The following CMPK1 variants were observed in gnomAD, a reference collection of about 807,000 sequenced individuals.
The protein encoded by CMPK1 is cytidine/uridine monophosphate kinase 1, also known as UMP-CMP kinase.
Under a neutral mutation model 25.7 loss-of-function variants are expected in CMPK1, and 10 were observed. That is an observed-to-expected ratio of 0.39 (90% CI 0.24 to 0.66). CMPK1 has a LOEUF of 0.66. Among genes scored for constraint, CMPK1 ranks in the 30% least tolerant of loss-of-function variants. The probability of loss-of-function intolerance (pLI) is 0.48; values close to 1 mark genes in which losing one functional copy is unlikely to be tolerated. For missense variants in CMPK1, 199 were observed against 280.5 expected (o/e 0.71, Z 2.08); for synonymous variants, 106 against 101.5 (o/e 1.04, Z -0.27).
rs527885352 is a variant in CMPK1 at position 47,337,492 on chromosome 1, G to A, written c.171+3376G>A. Reference sequence around the variant, plus strand: ...ACCTTAAACTGTTATCTTCTTTAATGAAAAGTATTCTCTTGAGTCTAGTTG... The same window carrying A: ...ACCTTAAACTGTTATCTTCTTTAATAAAAAGTATTCTCTTGAGTCTAGTTG... On this transcript the variant is annotated intron_variant, in intron 1 of 5. Coordinates refer to ENST00000371873, the MANE Select transcript of CMPK1 (RefSeq NM_016308.3). Among the ~76,000 whole-genome samples, 45 of 152,120 alleles carry A rather than the reference G, an allele frequency of 3.0e-4. No individual in the cohort carries two copies. In the East Asian group the frequency reaches 8.1e-3, roughly 27 times the overall value.
chr1:47,358,525 GCATA>G, intron 1 of CMPK1: 1 of 1,009,328 alleles, frequency 9.9e-7, no homozygotes, highest in Non-Finnish European at 1.2e-6. Flanking sequence ...ATTTTTGGTA[GCATA>G]CATATTATTT....
intron 4 of CMPK1, 22 bp from the exon 5 acceptor site, chr1:47,375,175 G>A: frequency 6.4e-7 from 1 of 1,550,878 alleles, no homozygotes; most frequent in East Asian, 2.2e-5. Flanking sequence ...CTAGAACCTT[G>A]CAATATTTAC....
At position 47,377,991 on chromosome 1, in the gene CMPK1, G is replaced by A. The variant is rs1348263898; in HGVS notation, c.*1246G>A. 5 of 152,290 alleles carry A rather than the reference G, an allele frequency of 3.3e-5. No individual in the cohort carries two copies. The highest frequency in any genetic ancestry group is 3.3e-4 in the Admixed American group (5 of 15,264). The allele number at this position is 152,290 out of a possible 1,614,324, so 9.4% of individuals were successfully genotyped here. ...AAGTGGTATCCGAGGTTCTTAATATGAGATTTAAAATCTTAAAATGTTTCT... is the reference window on the plus strand; with the variant it reads ...AAGTGGTATCCGAGGTTCTTAATATAAGATTTAAAATCTTAAAATGTTTCT... On this transcript the variant is annotated 3_prime_UTR_variant, in exon 6 of 6. Coordinates refer to ENST00000371873, the MANE Select transcript of CMPK1 (RefSeq NM_016308.3).
intron 1 of CMPK1, among the ~76,000 whole-genome samples, chr1:47,350,459 C>A (rs140776502): frequency 6.6e-6 from 1 of 152,090 alleles, no homozygotes; most frequent in Non-Finnish European, 1.5e-5. Flanking sequence ...ACCATGTTAC[C>A]TAGGCTGGTC....
At chr1:47,374,862 T>A (rs778138612) in intron 3 of CMPK1, 47 bp from the exon 4 acceptor site, 2 of 1,444,326 alleles carry the variant, frequency 1.4e-6, no homozygotes, top group Non-Finnish European at 1.9e-6. Flanking sequence ...GTTAAAAGAA[T>A]GGCAAATTCA....
intron 1 of CMPK1, among the ~76,000 whole-genome samples, chr1:47,338,815 T>A (rs1303044462): frequency 6.6e-6 from 1 of 152,056 alleles, no homozygotes; most frequent in Admixed American, 6.6e-5. Flanking sequence ...GAATACTGTG[T>A]CATTCTTGAA....
At chr1:47,370,783 A>C (rs1249617650) in intron 2 of CMPK1, among the ~76,000 whole-genome samples, 1 of 23,738 alleles carries the variant, frequency 4.2e-5, no homozygotes, top group Non-Finnish European at 1.5e-4. Context: ...CTAAAAATAC[A>C]AAAAAAAAAA....
Position 47,374,991 on chromosome 1 carries a change from T to C in CMPK1, c.548+6T>C. 1 of 1,606,586 alleles carries C rather than the reference T, an allele frequency of 6.2e-7. No homozygotes were observed. Among genetic ancestry groups the C allele is most frequent in the Non-Finnish European group, 8.5e-7 (1 of 1,174,352 alleles). On this transcript the variant is annotated splice_donor_region_variant and intron_variant, in intron 4 of 5. Coordinates refer to ENST00000371873, the MANE Select transcript of CMPK1 (RefSeq NM_016308.3). ...AGAGAGAGCTTGGAAAAGAGGTACTTGGCAGTTTTTACATACAACCACTTC... is the reference window on the plus strand; with the variant it reads ...AGAGAGAGCTTGGAAAAGAGGTACTCGGCAGTTTTTACATACAACCACTTC...
At chr1:47,344,090 A>G (rs1646465170) in intron 1 of CMPK1, among the ~76,000 whole-genome samples, 1 of 151,708 alleles carries the variant, frequency 6.6e-6, no homozygotes, top group South Asian at 2.1e-4. Flanking sequence ...AAGACGACAG[A>G]CCCTGCTGCC....
chr1:47,341,984 C>G (rs977261043), intron 1 of CMPK1, among the ~76,000 whole-genome samples: 19 of 152,078 alleles, frequency 1.2e-4, no homozygotes, highest in African/African-American at 4.3e-4. Flanking sequence ...GTGGCTCTAT[C>G]ACTGCTCACT....
At chr1:47,345,164 T>C (rs1646473528) in intron 1 of CMPK1, among the ~76,000 whole-genome samples, 1 of 152,130 alleles carries the variant, frequency 6.6e-6, no homozygotes, top group Non-Finnish European at 1.5e-5. Flanking sequence ...GTGATCCGCC[T>C]GCTTCAGCCT....
intron 1 of CMPK1, among the ~76,000 whole-genome samples, chr1:47,334,327 CG>C (rs1377811622): frequency 6.6e-6 from 1 of 151,956 alleles, no homozygotes; most frequent in Non-Finnish European, 1.5e-5. Flanking sequence ...TGGGGGCCAC[CG>C]CTTGAGGTCG....
At position 47,374,920 on chromosome 1, in the gene CMPK1, A is replaced by G. The variant is rs6656779; in HGVS notation, c.483A>G (p.Glu161=). ...FFDCNNEICI[E]RCLERGKSSG... Reference sequence around the variant, plus strand: ...GTATCTCTTTTTAGATTTGTATTGAACGATGTCTTGAGAGGGGAAAGAGTA... The same window carrying G: ...GTATCTCTTTTTAGATTTGTATTGAGCGATGTCTTGAGAGGGGAAAGAGTA... The change falls in exon 4 of 6, where the codon GAA becomes GAG. Residue 161 remains glutamate (E), a synonymous_variant. Coordinates refer to ENST00000371873, the MANE Select transcript of CMPK1 (RefSeq NM_016308.3). The G allele has an allele frequency of 8.6e-3, 13,867 of 1,610,804 alleles. 998 individuals are homozygous for G. The African/African-American group carries it at 0.16, about 19-fold the overall frequency.
intron 1 of CMPK1, among the ~76,000 whole-genome samples, chr1:47,367,021 C>A (rs1387695072): frequency 1.3e-5 from 2 of 152,098 alleles, no homozygotes; most frequent in Non-Finnish European, 2.9e-5. Flanking sequence ...CCACCGCACC[C>A]AGCCTTTTTT....
intron 1 of CMPK1, among the ~76,000 whole-genome samples, chr1:47,364,264 A>T (rs1263104489): frequency 1.3e-5 from 2 of 152,120 alleles, no homozygotes; most frequent in East Asian, 1.9e-4. Context: ...AATCTAAAGG[A>T]CGCCTAATAG....
chr1:47,334,220 C>A, intron 1 of CMPK1, 104 bp downstream of exon 1: 2 of 1,083,578 alleles, frequency 1.8e-6, no homozygotes, highest in Non-Finnish European at 2.3e-6. Flanking sequence ...GAGCCGCAGA[C>A]TACGAGTCCC....
At chr1:47,369,594 G>A (rs1430968573) in intron 2 of CMPK1, among the ~76,000 whole-genome samples, 3 of 149,962 alleles carry the variant, frequency 2.0e-5, no homozygotes, top group African/African-American at 2.5e-5. Flanking sequence ...ATAGAGTCTC[G>A]CTCTGTCGCC....
intron 1 of CMPK1, among the ~76,000 whole-genome samples, chr1:47,365,271 C>CTT (rs34324996): frequency 0.21 from 28,961 of 137,022 alleles, 3,602 homozygotes; most frequent in Non-Finnish European, 0.27. Context: ...CCCTGAAGAT[C>CTT]TTTTTTTTTT....
At chr1:47,335,017 C>CA (rs1646385921) in intron 1 of CMPK1, among the ~76,000 whole-genome samples, 1 of 152,048 alleles carries the variant, frequency 6.6e-6, no homozygotes, top group South Asian at 2.1e-4. Context: ...GCTGCATTGA[C>CA]ACTGTGGGAA....
Sources: allele counts gnomAD v4.1 joint callset (sites outside exome capture counted in the v4.1 genomes callset), GRCh38; gene constraint gnomAD v4.1.1; transcripts MANE v1.5; gene names NCBI Gene and HGNC (gene_info 2026-07-23, HGNC 2026-07-21).